Variants in MOCS2 observed in about 807,000 individuals in gnomAD.
MOCS2 encodes the protein molybdopterin synthase catalytic subunit.
A neutral mutation model predicts 21.9 loss-of-function variants in MOCS2; 13 were observed. That is an observed-to-expected ratio of 0.59 (90% CI 0.39 to 0.94). MOCS2 has a LOEUF of 0.94. MOCS2 is among the 40% of genes least tolerant of loss of function. The probability of loss-of-function intolerance (pLI) is 0.00; values close to 1 mark genes in which losing one functional copy is unlikely to be tolerated. For synonymous variants in MOCS2, 92 were observed against 80.8 expected (o/e 1.14, Z -0.74); for missense variants, 227 against 218.3 (o/e 1.04, Z -0.25).
chr5:53,109,616 G>C lies in MOCS2; in HGVS notation c.-535C>G. 6.6e-7 allele frequency: 1 copy of C among 1,518,210 alleles called. No individual in the cohort carries two copies. Among genetic ancestry groups the C allele is most frequent in the Non-Finnish European group, 8.9e-7 (1 of 1,127,282 alleles). The allele number at this position is 1,518,210 out of a possible 1,614,324, so 94.0% of individuals were successfully genotyped here. Reference sequence around the variant, plus strand: ...AGGTTGGGGGCTAGTGGGGAGGTCCGACTGACCAAGGCTGGGTATGTGGAG... The same window carrying C: ...AGGTTGGGGGCTAGTGGGGAGGTCCCACTGACCAAGGCTGGGTATGTGGAG... On this transcript the variant is annotated 5_prime_UTR_variant, in exon 1 of 7. Coordinates refer to ENST00000396954, the MANE Select transcript of MOCS2 (RefSeq NM_004531.5).
At position 53,098,354 on chromosome 5, in the gene MOCS2, G is replaced by A. The variant is rs1740808578; in HGVS notation, c.*248C>T. On this transcript the variant is annotated 3_prime_UTR_variant, in exon 7 of 7. Coordinates refer to ENST00000396954, the MANE Select transcript of MOCS2 (RefSeq NM_004531.5). ...GTCATGGAAGGACATGTCTACCACA[G>A]ATATCTTTCCTCACATTTAAATTAT... 1.9e-6 allele frequency: 1 copy of A among 533,070 alleles called. No homozygotes were observed. 33.0% of individuals were successfully genotyped at this position (533,070 alleles called of 1,614,324 possible).
chr5:53,103,788 T>A (rs1402309079), intron 3 of MOCS2, among the ~76,000 whole-genome samples: 1 of 152,098 alleles, frequency 6.6e-6, no homozygotes, highest in Non-Finnish European at 1.5e-5. Context: ...CTGGGGGAGA[T>A]TTCTCTCAAG....
intron 5 of MOCS2, 27 bp downstream of exon 5, chr5:53,101,332 C>T: frequency 6.2e-7 from 1 of 1,609,912 alleles, no homozygotes; most frequent in Non-Finnish European, 8.5e-7. Flanking sequence ...TTACACTTAA[C>T]TTTTAGAGTG....
rs1741135549 is a variant in MOCS2 at position 53,109,232 on chromosome 5, G to A, written c.-170+19C>T. 1.0e-6 allele frequency: 1 copy of A among 970,574 alleles called. No individual in the cohort carries two copies. 60.1% of individuals were successfully genotyped at this position (970,574 alleles called of 1,614,324 possible). ...CAGCAGCCTGGTATGTAAGGGATCC[G>A]ACGAAGTAAAATAGGCACCTGTCAC... On this transcript the variant is annotated intron_variant, in intron 1 of 6. Coordinates refer to ENST00000396954, the MANE Select transcript of MOCS2 (RefSeq NM_004531.5).
At position 53,107,122 on chromosome 5, in the gene MOCS2, G is replaced by A. The variant is rs200029483; in HGVS notation, c.53C>T (p.Pro18Leu). 21 of 1,613,932 alleles carry A rather than the reference G, an allele frequency of 1.3e-5. No homozygotes were observed. Among genetic ancestry groups the A allele is most frequent in the Admixed American group, 3.3e-5 (2 of 60,000 alleles). ...ATCCTCCACTAATGGGGGGGATAAC[G>A]GCAATTTCGTCTCCAGGCTGAAGCA... ...SSCFSLETKL[P>L]LSPPLVEDSA... The change falls in exon 3 of 7, where the codon CCG becomes CTG. Residue 18 changes from proline (P) to leucine (L), a missense_variant. Coordinates refer to ENST00000396954, the MANE Select transcript of MOCS2 (RefSeq NM_004531.5).
At chr5:53,102,874 G>C (rs999459494) in intron 3 of MOCS2, among the ~76,000 whole-genome samples, 6 of 151,624 alleles carry the variant, frequency 4.0e-5, no homozygotes, top group African/African-American at 1.5e-4. Context: ...CTTGAGCTTG[G>C]GAGGTGGAGG....
intron 6 of MOCS2, among the ~76,000 whole-genome samples, chr5:53,099,160 T>C (rs16880875): frequency 0.076 from 11,505 of 152,238 alleles, 470 homozygotes; most frequent in African/African-American, 0.082. Context: ...CTAGTCACAT[T>C]CCATTTCTGT....
intron 4 of MOCS2, among the ~76,000 whole-genome samples, 195 bp downstream of exon 4, chr5:53,101,902 C>G (rs1268185977): frequency 6.6e-6 from 1 of 152,248 alleles, no homozygotes; most frequent in East Asian, 1.9e-4. Flanking sequence ...TTCAAAATGC[C>G]TTGTAATTTA....
At chr5:53,098,821 A>G in intron 6 of MOCS2, 154 bp from the exon 7 acceptor site, 2 of 661,432 alleles carry the variant, frequency 3.0e-6, no homozygotes, top group South Asian at 3.7e-5. Context: ...GCAAGGTTAC[A>G]TAGGGGAAGA....
At position 53,107,301 on chromosome 5, in the gene MOCS2, C is replaced by G. The variant is rs1440182135; in HGVS notation, c.-47-80G>C. ...GCTTCAGCTGCAATTAGAGATATTACATAGATATAATTATATAAAGCATCA... is the reference window on the plus strand; with the variant it reads ...GCTTCAGCTGCAATTAGAGATATTAGATAGATATAATTATATAAAGCATCA... On this transcript the variant is annotated intron_variant, in intron 2 of 6. Transcript: ENST00000396954. The G allele has an allele frequency of 3.6e-5, 46 of 1,285,776 alleles. No individual in the cohort carries two copies. The Admixed American group carries it at 8.5e-4, about 24-fold the overall frequency. The allele number at this position is 1,285,776 out of a possible 1,614,324, so 79.6% of individuals were successfully genotyped here.
chr5:53,098,921 AT>A (rs1740830480), intron 6 of MOCS2, among the ~76,000 whole-genome samples: 1 of 152,186 alleles, frequency 6.6e-6, no homozygotes. Context: ...AAAGGCAGAT[AT>A]CTTCATTAGC....
intron 2 of MOCS2, 63 bp from the exon 3 acceptor site, chr5:53,107,284 T>C: frequency 6.9e-7 from 1 of 1,447,862 alleles, no homozygotes; most frequent in Non-Finnish European, 9.5e-7. Context: ...TCGCTTCAGC[T>C]GCAATTAGAG....
In MOCS2 at chr5:53,109,562, G is replaced by GGGGCGC; in HGVS notation, c.-487_-482dup. The GGGGCGC allele has an allele frequency of 2.1e-6, 3 of 1,408,210 alleles. No homozygotes were observed. Among genetic ancestry groups the GGGGCGC allele is most frequent in the South Asian group, 1.6e-5 (1 of 63,984 alleles). 87.2% of individuals were successfully genotyped at this position (1,408,210 alleles called of 1,614,324 possible). ...CAGGAAGGGCCCGGGGGCGGGGGCG[G>GGGGCGC]GGGCGCCCCCGAACCCAAGACGCCG... On this transcript the variant is annotated 5_prime_UTR_variant, in exon 1 of 7. Coordinates refer to ENST00000396954, the MANE Select transcript of MOCS2 (RefSeq NM_004531.5).
intron 3 of MOCS2, among the ~76,000 whole-genome samples, chr5:53,103,412 A>C (rs1299614355): frequency 6.6e-6 from 1 of 152,138 alleles, no homozygotes; most frequent in Admixed American, 6.5e-5. Context: ...TCTTTATCCA[A>C]CAAAAAAGGA....
chr5:53,102,260 C>A (rs775999205), intron 3 of MOCS2, 36 bp from the exon 4 acceptor site: 9 of 1,598,298 alleles, frequency 5.6e-6, no homozygotes, highest in South Asian at 1.1e-5. Context: ...TAACAGAAGT[C>A]CTAGGGGTAA....
chr5:53,101,701 T>C (rs1318964263), intron 4 of MOCS2, among the ~76,000 whole-genome samples, 192 bp from the exon 5 acceptor site: 1 of 152,130 alleles, frequency 6.6e-6, no homozygotes. Context: ...AAACAGATCT[T>C]CACAAAGATG....
Position 53,096,182 on chromosome 5 carries a change from A to G in MOCS2, c.*2420T>C, listed in dbSNP as rs1242961395. ...ATCATTCTTGAGAGATCTTCACTGT[A>G]CCAGGTGCTCAGTAACTGTGTAAGA... On this transcript the variant is annotated 3_prime_UTR_variant, in exon 7 of 7. Transcript: ENST00000396954. 6.6e-6 allele frequency: 1 copy of G among 152,224 alleles called. No homozygotes were observed. Among genetic ancestry groups the G allele is most frequent in the Non-Finnish European group, 1.5e-5 (1 of 68,038 alleles). The allele number at this position is 152,224 out of a possible 1,614,324, so 9.4% of individuals were successfully genotyped here. A position where few individuals can be genotyped will look rare whatever the true frequency, so the allele number is the denominator to read the frequency against.
At chr5:53,104,776 C>G (rs1000576687) in intron 3 of MOCS2, among the ~76,000 whole-genome samples, 2 of 151,998 alleles carry the variant, frequency 1.3e-5, no homozygotes, top group African/African-American at 4.8e-5. Flanking sequence ...TTAATGGAAC[C>G]AAGTTTTTGC....
rs1379436311 is a variant in MOCS2, at chr5:53,096,383, CATAA to C, written c.*2215_*2218del. ...ACCACCTGTTCAAAAATACTTGAAA[CATAA>C]ATAATTTGAATTTCCTATTTCTTAA... is the stretch of plus-strand genomic sequence containing the variant. On this transcript the variant is annotated 3_prime_UTR_variant, in exon 7 of 7. Transcript: ENST00000396954. 2 of 152,162 alleles carry C rather than the reference CATAA, an allele frequency of 1.3e-5. No individual in the cohort carries two copies. Among genetic ancestry groups the C allele is most frequent in the African/African-American group, 2.4e-5 (1 of 41,440 alleles). The allele number at this position is 152,162 out of a possible 1,614,324, so 9.4% of individuals were successfully genotyped here.
Sources: allele counts gnomAD v4.1 joint callset (sites outside exome capture counted in the v4.1 genomes callset), GRCh38; gene constraint gnomAD v4.1.1; transcripts MANE v1.5; gene names NCBI Gene and HGNC (gene_info 2026-07-23, HGNC 2026-07-21).